Variants in MRC2 observed in about 807,000 individuals in gnomAD.
MRC2 encodes the protein mannose receptor C-type 2.
Under a neutral mutation model 206.2 loss-of-function variants are expected in MRC2, and 84 were observed. The ratio of observed to expected loss-of-function variants is 0.41; its 90% CI spans 0.34 to 0.49. The LOEUF is 0.49. Among genes scored for constraint, MRC2 ranks in the 20% least tolerant of loss-of-function variants. The probability of loss-of-function intolerance (pLI) is 0.31; values close to 1 mark genes in which losing one functional copy is unlikely to be tolerated. For missense variants in MRC2, 1,676 were observed against 2,001.5 expected, an observed-to-expected ratio of 0.84 and a Z score of 3.10; for synonymous variants, 798 against 800.0, an observed-to-expected ratio of 1.00 and a Z score of 0.04.
chr17:62,634,642 T>A (rs760784009), intron 1 of MRC2, among the ~76,000 whole-genome samples: 14 of 151,938 alleles, frequency 9.2e-5, no homozygotes, highest in Non-Finnish European at 1.2e-4. Flanking sequence ...GGGATTTGGG[T>A]GGCTTCTATA....
At chr17:62,647,996 A>G (rs1459748410) in intron 1 of MRC2, among the ~76,000 whole-genome samples, 1 of 152,162 alleles carries the variant, frequency 6.6e-6, no homozygotes, top group Non-Finnish European at 1.5e-5. Context: ...CCAGAGGAGG[A>G]CACTGAGAGT....
chr17:62,675,717 C>G lies in MRC2; in HGVS notation c.1570-73C>G. 1 of 1,232,076 alleles carries G rather than the reference C, an allele frequency of 8.1e-7. No individual in the cohort carries two copies. The highest frequency in any genetic ancestry group is 1.2e-6 in the Non-Finnish European group (1 of 838,414). 76.3% of individuals were successfully genotyped at this position (1,232,076 alleles called of 1,614,324 possible). ...TGATGTCCCTGATGGCATCTCCCAC[C>G]ACAGGATTTATGGGTGAGGGTGGAG... On this transcript the variant is annotated intron_variant, in intron 9 of 29. Coordinates refer to ENST00000303375, the MANE Select transcript of MRC2 (RefSeq NM_006039.5). This position sits in a 1 kb window ranked among gnomAD's most constrained non-coding sequence, Gnocchi z 4.1.
intron 1 of MRC2, among the ~76,000 whole-genome samples, chr17:62,659,566 C>T (rs1052246887): frequency 6.6e-6 from 1 of 151,338 alleles, no homozygotes; most frequent in Non-Finnish European, 1.5e-5. Flanking sequence ...AAAAAGCTTT[C>T]AGCACATGAA....
chr17:62,682,450 A>C, intron 20 of MRC2, 73 bp downstream of exon 20: 1 of 1,495,748 alleles, frequency 6.7e-7, no homozygotes, highest in South Asian at 1.4e-5. Context: ...GAGCCTCAGG[A>C]GTCCTGGCCT....
At chr17:62,641,890 A>ACT (rs1299364612) in intron 1 of MRC2, among the ~76,000 whole-genome samples, 1 of 103,118 alleles carries the variant, frequency 9.7e-6, no homozygotes, top group African/African-American at 3.8e-5. Context: ...TGCTTATCTC[A>ACT]CTCTCTGTGT....
chr17:62,636,366 C>G (rs1348106241), intron 1 of MRC2, among the ~76,000 whole-genome samples: 1 of 151,942 alleles, frequency 6.6e-6, no homozygotes, highest in Non-Finnish European at 1.5e-5. Flanking sequence ...CACACTAGCA[C>G]AGGCCACAGT....
intron 1 of MRC2, among the ~76,000 whole-genome samples, chr17:62,653,652 C>T (rs776724040): frequency 1.3e-5 from 2 of 152,176 alleles, no homozygotes; most frequent in African/African-American, 2.4e-5. Context: ...CAGCGCAACA[C>T]TGGGACTGTG....
intron 9 of MRC2, among the ~76,000 whole-genome samples, chr17:62,674,709 G>A (rs1036898843): frequency 6.6e-6 from 1 of 151,836 alleles, no homozygotes; most frequent in Non-Finnish European, 1.5e-5. Context: ...TGAGGGGGGG[G>A]GTGTCAAGGA....
At chr17:62,647,495 TA>T (rs900286632) in intron 1 of MRC2, among the ~76,000 whole-genome samples, 10 of 150,242 alleles carry the variant, frequency 6.7e-5, no homozygotes, top group African/African-American at 9.7e-5. Flanking sequence ...ATTTTTGCTT[TA>T]AAAAAAAAAT....
In MRC2 at chr17:62,627,860, C is replaced by G. The variant is rs1400585420; in HGVS notation, c.58C>G (p.Leu20Val). The G allele has an allele frequency of 6.8e-7, 1 of 1,480,178 alleles. No individual in the cohort carries two copies. The highest frequency in any genetic ancestry group is 1.5e-5 in the African/African-American group (1 of 68,258). 91.7% of individuals were successfully genotyped at this position (1,480,178 alleles called of 1,614,324 possible). ...GCCTCGTCACCTGCTGCGCTGCGTC[C>G]TGCTCCTCGGGTGCCTGCACCTCGG... is the stretch of plus-strand genomic sequence containing the variant. Reference protein sequence around the residue: ...PWPRHLLRCVLLLGCLHLGRP... With the variant: ...PWPRHLLRCVVLLGCLHLGRP... Residue 20 changes from leucine (L) to valine (V), a missense_variant, in exon 1 of 30, where the codon CTG becomes GTG. Leu to Val is a conservative substitution (Grantham distance 32, BLOSUM62 1). This residue lies in a region of MRC2 where 318 missense variants were observed against 346.7 expected (regional missense o/e 0.92). Coordinates refer to ENST00000303375, the MANE Select transcript of MRC2 (RefSeq NM_006039.5).
intron 1 of MRC2, among the ~76,000 whole-genome samples, chr17:62,628,886 T>G (rs547713459): frequency 1.3e-5 from 2 of 152,002 alleles, no homozygotes; most frequent in Non-Finnish European, 1.5e-5. Context: ...GGCTGTTTAA[T>G]TGGGGGATGG....
chr17:62,673,917 C>T lies in MRC2; in HGVS notation c.1462-146C>T, dbSNP rs1185408118. On this transcript the variant is annotated intron_variant, in intron 8 of 29. Coordinates refer to ENST00000303375, the MANE Select transcript of MRC2 (RefSeq NM_006039.5). ...GAGGCTTATGGGTTCATCCCGCCTT[C>T]CCCATTGCACAGCTGGGACACAGAC... 7 of 658,818 alleles carry T rather than the reference C, an allele frequency of 1.1e-5. No homozygotes were observed. In the Admixed American group the frequency reaches 1.6e-4, roughly 15 times the overall value. The allele number at this position is 658,818 out of a possible 1,614,324, so 40.8% of individuals were successfully genotyped here.
In MRC2 at chr17:62,667,368, T is replaced by C. The variant is rs377608730; in HGVS notation, c.974-22T>C. On this transcript the variant is annotated intron_variant, in intron 5 of 29. Transcript: ENST00000303375. This position sits in a 1 kb window ranked among gnomAD's most constrained non-coding sequence, Gnocchi z 4.1. ...TGTGAGCTTCTCTCTCCGGGGGTGC[T>C]GGCGCCCTGCCCTCCCCACAGACCA... is the stretch of plus-strand genomic sequence containing the variant. 18 of 1,575,766 alleles carry C rather than the reference T, an allele frequency of 1.1e-5. No individual in the cohort carries two copies. Among genetic ancestry groups the C allele is most frequent in the Non-Finnish European group, 1.5e-5 (18 of 1,162,090 alleles).
At chr17:62,641,398 A>T (rs2088402049) in intron 1 of MRC2, among the ~76,000 whole-genome samples, 1 of 152,036 alleles carries the variant, frequency 6.6e-6, no homozygotes, top group South Asian at 2.1e-4. Flanking sequence ...AGAAACAGGA[A>T]CCTGTCTGAC....
Position 62,655,814 on chromosome 17 carries a change from A to ATCACCT in MRC2, c.119-8728_119-8723dup, listed in dbSNP as rs1464922332. 2.0e-5 allele frequency among the ~76,000 whole-genome samples: 3 copies of ATCACCT among 152,216 alleles called. No individual in the cohort carries two copies. In the East Asian group the frequency reaches 5.8e-4, roughly 29 times the overall value. On this transcript the variant is annotated intron_variant, in intron 1 of 29. Coordinates refer to ENST00000303375, the MANE Select transcript of MRC2 (RefSeq NM_006039.5). ...TTATCTGGAAAGTTCATTTCTATCT[A>ATCACCT]TCACCTTCACCCCCAACCGTGCAGA...
chr17:62,644,283 G>C (rs1267667060), intron 1 of MRC2, among the ~76,000 whole-genome samples: 2 of 152,018 alleles, frequency 1.3e-5, no homozygotes, highest in African/African-American at 4.8e-5. Context: ...GCAAGGTGTG[G>C]TGATGGGCAC....
intron 1 of MRC2, among the ~76,000 whole-genome samples, chr17:62,660,582 G>A (rs1297204599): frequency 6.6e-6 from 1 of 152,072 alleles, no homozygotes; most frequent in African/African-American, 2.4e-5. Flanking sequence ...TAAATCCAAG[G>A]TTAAGAGCCA....
chr17:62,643,809 C>T (rs745949867), intron 1 of MRC2, among the ~76,000 whole-genome samples: 28 of 151,920 alleles, frequency 1.8e-4, no homozygotes, highest in Non-Finnish European at 3.5e-4. Flanking sequence ...TGAAATGAAA[C>T]GTGATATTAT....
At position 62,671,403 on chromosome 17, in the gene MRC2, G is replaced by A. The variant is rs1355848430; in HGVS notation, c.1118-246G>A. On this transcript the variant is annotated intron_variant, in intron 6 of 29. Coordinates refer to ENST00000303375, the MANE Select transcript of MRC2 (RefSeq NM_006039.5). This position sits in a 1 kb window ranked among gnomAD's most constrained non-coding sequence, Gnocchi z 4.5. ...CGTATTCTGAGAGCCACAGCCAGAG[G>A]AAGTGTTCTGTCCTGGGTGGAATCT... is the stretch of plus-strand genomic sequence containing the variant. Among the ~76,000 whole-genome samples, 1 of 152,166 alleles carries A rather than the reference G, an allele frequency of 6.6e-6. No individual in the cohort carries two copies. The highest frequency in any genetic ancestry group is 1.9e-4 in the East Asian group (1 of 5,182).
Sources: allele counts gnomAD v4.1 joint callset (sites outside exome capture counted in the v4.1 genomes callset), GRCh38; gene constraint gnomAD v4.1.1; regional missense constraint gnomAD v4.1.1; non-coding constraint Gnocchi (gnomAD v3.1); transcripts MANE v1.5; gene names NCBI Gene and HGNC (gene_info 2026-07-23, HGNC 2026-07-21).